The following ASDURF variants were observed in gnomAD, a reference collection of about 807,000 sequenced individuals.
ASDURF encodes the protein ASNSD1 upstream open reading frame, also known as ASDURF protein.
ASDURF carries 3 observed loss-of-function variants against 3.3 expected under a neutral mutation model. That is an observed-to-expected ratio of 0.92 (90% CI 0.42 to 2.37). ASDURF has a LOEUF of 2.37. Ranked by LOEUF, ASDURF falls within the 30% of genes most tolerant of loss-of-function variation. The pLI is 0.05. For synonymous variants in ASDURF, 11 were observed against 8.3 expected (o/e 1.32, Z -0.55); for missense variants, 23 against 25.4 (o/e 0.90, Z 0.21).
intron 2 of ASDURF, among the ~76,000 whole-genome samples, 177 bp downstream of exon 2, chr2:189,664,131 A>G (rs2032734185): frequency 6.6e-6 from 1 of 152,200 alleles, no homozygotes; most frequent in Non-Finnish European, 1.5e-5. Flanking sequence ...TAGATCTCAT[A>G]GCTGAAGATG....
At chr2:189,665,630 A>ATGTG (rs1553502080) in intron 3 of ASDURF, among the ~76,000 whole-genome samples, 179 bp downstream of exon 3, 2 of 97,540 alleles carry the variant, frequency 2.1e-5, no homozygotes, top group Admixed American at 1.1e-4. Context: ...ATATATATAT[A>ATGTG]TATATATATA....
chr2:189,664,915 A>G (rs576513103), intron 2 of ASDURF, among the ~76,000 whole-genome samples: 2 of 152,348 alleles, frequency 1.3e-5, no homozygotes, highest in Non-Finnish European at 2.9e-5. Context: ...TTTAGTTACA[A>G]AGATAATCAT....
chr2:189,665,642 ATATATT>A (rs2032784210), intron 3 of ASDURF, among the ~76,000 whole-genome samples, 191 bp downstream of exon 3: 5 of 131,864 alleles, frequency 3.8e-5, no homozygotes, highest in African/African-American at 5.9e-5. Flanking sequence ...ATATATATAT[ATATATT>A]ATAAATGTTT....
chr2:189,664,057 T>G, intron 2 of ASDURF, 103 bp downstream of exon 2: 1 of 341,546 alleles, frequency 2.9e-6, no homozygotes, highest in East Asian at 4.0e-5. Flanking sequence ...CATACTTTAA[T>G]AAAATGTATA....
intron 2 of ASDURF, among the ~76,000 whole-genome samples, chr2:189,664,329 A>G (rs1278225360): frequency 6.6e-6 from 1 of 152,234 alleles, no homozygotes; most frequent in African/African-American, 2.4e-5. Flanking sequence ...ATAATTATTG[A>G]ACAAAAAAGG....
rs2032659748 is a variant in ASDURF at position 189,661,476 on chromosome 2, CTCCT to C, written c.-42_-39del. On this transcript the variant is annotated 5_prime_UTR_variant, in exon 1 of 4. Transcript: ENST00000607829. ...CATGCGCTGTGGCTAATGCCGTAGG[CTCCT>C]TCAGGGCTGAGCCATCCCGCGTGTC... 5.0e-6 allele frequency: 2 copies of C among 399,072 alleles called. No homozygotes were observed. Among genetic ancestry groups the C allele is most frequent in the South Asian group, 1.3e-4 (1 of 7,870 alleles). The allele number at this position is 399,072 out of a possible 1,614,324, so 24.7% of individuals were successfully genotyped here. A position where few individuals can be genotyped will look rare whatever the true frequency, so the allele number is the denominator to read the frequency against.
At position 189,663,245 on chromosome 2, in the gene ASDURF, TA is replaced by T. The variant is rs935306273; in HGVS notation, c.91-653del. 2.1e-4 allele frequency among the ~76,000 whole-genome samples: 28 copies of T among 132,196 alleles called. No individual in the cohort carries two copies. In the East Asian group the frequency reaches 2.1e-3, roughly 10 times the overall value. The allele number at this position is 132,196 out of a possible 152,430, so 86.7% of individuals were successfully genotyped here. On this transcript the variant is annotated intron_variant, in intron 1 of 3. Transcript: ENST00000607829. The stretch of plus-strand genomic sequence containing the variant: ...GTGTATATCATATATATATATTTTT[TA>T]AATTATTTATTTATTTATTTTTTTG...
At chr2:189,664,348 C>T (rs980712902) in intron 2 of ASDURF, among the ~76,000 whole-genome samples, 5 of 152,134 alleles carry the variant, frequency 3.3e-5, no homozygotes, top group Non-Finnish European at 7.4e-5. Flanking sequence ...GGATACATTG[C>T]TTCCCCTCCC....
chr2:189,662,950 A>C (rs2032702384), intron 1 of ASDURF, among the ~76,000 whole-genome samples: 1 of 31,686 alleles, frequency 3.2e-5, no homozygotes, highest in Non-Finnish European at 2.4e-4. Context: ...CCCTGTTTCA[A>C]AAAAAAAAAA....
In ASDURF at chr2:189,661,527, A is replaced by T. The variant is rs1386804293; in HGVS notation, c.7A>T (p.Ser3Cys). 1 of 399,148 alleles carries T rather than the reference A, an allele frequency of 2.5e-6. No individual in the cohort carries two copies. The highest frequency in any genetic ancestry group is 2.1e-5 in the African/African-American group (1 of 48,638). 24.7% of individuals were successfully genotyped at this position (399,148 alleles called of 1,614,324 possible). Residue 3 changes from serine to cysteine, a missense_variant, in exon 1 of 4, where the codon AGC becomes TGC. Coordinates refer to ENST00000607829, the MANE Select transcript of ASDURF (RefSeq NM_001353493.2). MPSRGTRPEDSSV... is the reference protein window; with the variant it reads MPCRGTRPEDSSV... ...TGTCTTGCGCTCGGTGGAAATGCCCAGCCGAGGGACGCGACCAGAGGACAG... is the reference window on the plus strand; with the variant it reads ...TGTCTTGCGCTCGGTGGAAATGCCCTGCCGAGGGACGCGACCAGAGGACAG...
In ASDURF at chr2:189,665,626, A is replaced by ATG. The variant is rs2032780754; in HGVS notation, c.220+176_220+177insGT. Reference sequence around the variant, plus strand: ...TATATATATATATATATATATATATATATATATATATATATATATATTATA... The same window carrying ATG: ...TATATATATATATATATATATATATATGTATATATATATATATATATATTATA... On this transcript the variant is annotated intron_variant, in intron 3 of 3. Transcript: ENST00000607829. Among the ~76,000 whole-genome samples, 10 of 122,448 alleles carry ATG rather than the reference A, an allele frequency of 8.2e-5. 1 individual carries two copies. The highest frequency in any genetic ancestry group is 3.3e-4 in the African/African-American group (10 of 30,590). The allele number at this position is 122,448 out of a possible 152,430, so 80.3% of individuals were successfully genotyped here.
chr2:189,663,985 G>A (rs981771493), intron 2 of ASDURF, 31 bp downstream of exon 2: 3 of 383,632 alleles, frequency 7.8e-6, no homozygotes, highest in Admixed American at 4.5e-5. Flanking sequence ...TGAATAATAT[G>A]TGGGAGGTTT....
intron 2 of ASDURF, among the ~76,000 whole-genome samples, chr2:189,664,574 T>TA (rs2032743221): frequency 6.6e-6 from 1 of 152,188 alleles, no homozygotes; most frequent in Non-Finnish European, 1.5e-5. Flanking sequence ...TATTGTCACT[T>TA]ATGGAATATT....
intron 3 of ASDURF, 80 bp from the exon 4 acceptor site, chr2:189,665,961 T>C (rs960325048): frequency 2.2e-5 from 13 of 599,956 alleles, no homozygotes; most frequent in Non-Finnish European, 3.2e-5. Context: ...GGTAAACAGC[T>C]TGTGTTGCCC....
intron 2 of ASDURF, among the ~76,000 whole-genome samples, chr2:189,664,203 G>C (rs576718798): frequency 6.6e-6 from 1 of 152,004 alleles, no homozygotes; most frequent in East Asian, 1.9e-4. Flanking sequence ...GTTGTATTTT[G>C]GTATCTTGGA....
chr2:189,664,297 C>T (rs1291591584), intron 2 of ASDURF, among the ~76,000 whole-genome samples: 3 of 152,152 alleles, frequency 2.0e-5, no homozygotes, highest in Admixed American at 6.5e-5. Context: ...TGAGAAGAAA[C>T]TTTTCTTTTA....
At chr2:189,664,351 C>T (rs1393810645) in intron 2 of ASDURF, among the ~76,000 whole-genome samples, 1 of 152,148 alleles carries the variant, frequency 6.6e-6, no homozygotes, top group Non-Finnish European at 1.5e-5. Context: ...TACATTGCTT[C>T]CCCTCCCTCC....
intron 2 of ASDURF, among the ~76,000 whole-genome samples, chr2:189,665,111 A>G (rs989086847): frequency 3.7e-4 from 57 of 152,176 alleles, no homozygotes; most frequent in Admixed American, 1.7e-3. Context: ...AGTATTCTCA[A>G]TATATTGCTC....
At position 189,666,336 on chromosome 2, in the gene ASDURF, AAG is replaced by A; in HGVS notation, c.*228_*229del. On this transcript the variant is annotated 3_prime_UTR_variant, in exon 4 of 4. Coordinates refer to ENST00000607829, the MANE Select transcript of ASDURF (RefSeq NM_001353493.2). ...TGACTACCCAGCCTGTGGAAGATGA[AAG>A]AGGCAATGTGTTTCTATGGAATGGA... The A allele has an allele frequency of 2.5e-6, 4 of 1,613,912 alleles. No individual in the cohort carries two copies. The highest frequency in any genetic ancestry group is 3.4e-6 in the Non-Finnish European group (4 of 1,179,888).
Sources: allele counts gnomAD v4.1 joint callset (sites outside exome capture counted in the v4.1 genomes callset), GRCh38; gene constraint gnomAD v4.1.1; transcripts MANE v1.5; gene names NCBI Gene and HGNC (gene_info 2026-07-23, HGNC 2026-07-21).